Variants in TGFBR3 observed in about 807,000 individuals in gnomAD.
TGFBR3 encodes transforming growth factor beta receptor 3.
Under a neutral mutation model 87.9 loss-of-function variants are expected in TGFBR3, and 46 were observed. The observed-to-expected ratio is 0.52, with a 90% CI of 0.41 to 0.67. The LOEUF is 0.67. Among genes scored for constraint, TGFBR3 ranks in the 30% least tolerant of loss-of-function variants. The pLI is 0.00. For missense variants in TGFBR3, 866 were observed against 1,041.9 expected (o/e 0.83, Z 2.32); for synonymous variants, 381 against 391.6 (o/e 0.97, Z 0.32).
chr1:91,749,311 G>A lies in TGFBR3; in HGVS notation c.384+9302C>T, dbSNP rs142061134. On this transcript the variant is annotated intron_variant, in intron 4 of 16. Transcript: ENST00000212355. Reference sequence around the variant, plus strand: ...CAGACGGAAGACCCCCTGACTTCCAGGTATACACTGTGTCATTCACCACCT... The same window carrying A: ...CAGACGGAAGACCCCCTGACTTCCAAGTATACACTGTGTCATTCACCACCT... 1.6e-3 allele frequency among the ~76,000 whole-genome samples: 241 copies of A among 152,230 alleles called. 1 individual carries two copies. Among genetic ancestry groups the A allele is most frequent in the African/African-American group, 5.3e-3 (219 of 41,554 alleles).
intron 2 of TGFBR3, among the ~76,000 whole-genome samples, chr1:91,842,258 C>G (rs187311610): frequency 4.6e-5 from 7 of 152,076 alleles, no homozygotes. Context: ...AGAAGTGCTA[C>G]GAGGAAAAAC....
At chr1:91,768,586 G>C (rs1344576962) in intron 3 of TGFBR3, among the ~76,000 whole-genome samples, 1 of 152,162 alleles carries the variant, frequency 6.6e-6, no homozygotes, top group African/African-American at 2.4e-5. Context: ...CATCCCCCTA[G>C]TGCTGTTCTC....
At position 91,885,441 on chromosome 1, in the gene TGFBR3, G is replaced by A. The variant is rs574751002; in HGVS notation, c.-114+437C>T. Among the ~76,000 whole-genome samples the A allele has an allele frequency of 3.0e-3, 454 of 152,176 alleles. 4 individuals carry two copies. Among genetic ancestry groups the A allele is most frequent in the Middle Eastern group, 3.4e-3 (1 of 294 alleles). On this transcript the variant is annotated intron_variant, in intron 1 of 16. Transcript: ENST00000212355. ...GCGGCCAGCGGGGAACGCAAACCGC[G>A]TCCGTGCACGAGTCCGGGAGCCACA...
chr1:91,770,093 T>G (rs1281942031), intron 3 of TGFBR3, among the ~76,000 whole-genome samples: 1 of 152,190 alleles, frequency 6.6e-6, no homozygotes, highest in Non-Finnish European at 1.5e-5. Context: ...TGCAAAGGTC[T>G]GGAGAGAAAC....
Position 91,688,086 on chromosome 1 carries a change from C to T in TGFBR3, c.2438-4229G>A, listed in dbSNP as rs1231717065. On this transcript the variant is annotated intron_variant, in intron 16 of 16. Coordinates refer to ENST00000212355, the MANE Select transcript of TGFBR3 (RefSeq NM_003243.5). The stretch of plus-strand genomic sequence containing the variant: ...ATTTCATTCCTCCCCAGCCTCCACA[C>T]AAAAGACTCTTCTTTTGCAGCAAAA... 1.3e-4 allele frequency among the ~76,000 whole-genome samples: 20 copies of T among 152,098 alleles called. 1 individual carries two copies. The highest frequency in any genetic ancestry group is 1.3e-3 in the Admixed American group (20 of 15,278).
At chr1:91,802,425 C>T (rs914651481) in intron 2 of TGFBR3, among the ~76,000 whole-genome samples, 11 of 151,580 alleles carry the variant, frequency 7.3e-5, no homozygotes, top group African/African-American at 1.5e-4. Context: ...CAGTGACGCG[C>T]TCTCAGCTCA....
At position 91,856,169 on chromosome 1, in the gene TGFBR3, T is replaced by G. The variant is rs554262800; in HGVS notation, c.61+5302A>C. On this transcript the variant is annotated intron_variant, in intron 2 of 16. Coordinates refer to ENST00000212355, the MANE Select transcript of TGFBR3 (RefSeq NM_003243.5). ...GCTCCGCCTCCCGGGTTCACACCATTCTTCTGCCTCAGCCTCCCCAGTAGC... is the reference window on the plus strand; with the variant it reads ...GCTCCGCCTCCCGGGTTCACACCATGCTTCTGCCTCAGCCTCCCCAGTAGC... Among the ~76,000 whole-genome samples the G allele has an allele frequency of 2.0e-4, 31 of 152,254 alleles. No individual in the cohort carries two copies. The East Asian group carries it at 5.8e-3, about 29-fold the overall frequency.
intron 1 of TGFBR3, among the ~76,000 whole-genome samples, chr1:91,900,485 TAAC>T (rs1570349744): frequency 6.6e-6 from 1 of 152,220 alleles, no homozygotes; most frequent in Admixed American, 6.5e-5. Flanking sequence ...CTCACCGTTT[TAAC>T]AACAGTAACA....
chr1:91,810,744 C>T (rs1459655411), intron 2 of TGFBR3, among the ~76,000 whole-genome samples: 1 of 152,170 alleles, frequency 6.6e-6, no homozygotes, highest in Non-Finnish European at 1.5e-5. Context: ...CCATTCCCTG[C>T]CTCTGTTTCT....
At chr1:91,874,508 GTGGTTTTT>G (rs924327979) in intron 1 of TGFBR3, among the ~76,000 whole-genome samples, 79 of 152,258 alleles carry the variant, frequency 5.2e-4, no homozygotes, top group African/African-American at 1.7e-3. Context: ...AAACAGTAGA[GTGGTTTTT>G]TGGTTTTTTG....
chr1:91,791,238 C>T (rs924476483), intron 3 of TGFBR3, among the ~76,000 whole-genome samples: 29 of 152,046 alleles, frequency 1.9e-4, no homozygotes, highest in Admixed American at 1.8e-3. Flanking sequence ...GACAGGTGAG[C>T]TATTTGTGTG....
intron 3 of TGFBR3, among the ~76,000 whole-genome samples, chr1:91,776,734 C>G (rs532426388): frequency 6.6e-6 from 1 of 152,162 alleles, no homozygotes; most frequent in African/African-American, 2.4e-5. Flanking sequence ...ACATGACCCT[C>G]CAAACACTTG....
chr1:91,898,581 C>G (rs1679606315), intron 2 of TGFBR3, among the ~76,000 whole-genome samples: 2 of 152,028 alleles, frequency 1.3e-5, no homozygotes, highest in Non-Finnish European at 2.9e-5. Flanking sequence ...GGACCACAGG[C>G]GCCCGCCACC....
chr1:91,833,304 A>AAAC (rs1557734914), intron 2 of TGFBR3, among the ~76,000 whole-genome samples: 7 of 132,802 alleles, frequency 5.3e-5, no homozygotes, highest in East Asian at 2.6e-4. Flanking sequence ...TCAAAAAAAA[A>AAAC]AAAAAAAAAA....
chr1:91,795,866 T>C (rs1006731743), intron 3 of TGFBR3, among the ~76,000 whole-genome samples: 3 of 152,178 alleles, frequency 2.0e-5, no homozygotes, highest in Non-Finnish European at 4.4e-5. Flanking sequence ...ATTTCCAATG[T>C]TGCTGGAAAG....
intron 2 of TGFBR3, among the ~76,000 whole-genome samples, chr1:91,805,244 T>C (rs1454662141): frequency 6.6e-6 from 1 of 152,242 alleles, no homozygotes; most frequent in Non-Finnish European, 1.5e-5. Context: ...TCTGGGCATC[T>C]GGTATGTGAC....
In TGFBR3 at chr1:91,712,463, C is replaced by T. The variant is rs775607589; in HGVS notation, c.1946G>A (p.Arg649Lys). ...CFISPYSNPD[R>K]MSHYTIIENI... ...CTCAATAATGGTGTAATGAGACATC[C>T]TATCAGGGTTCGAATATGGAGAGAT... is the stretch of plus-strand genomic sequence containing the variant. Residue 649 changes from arginine to lysine, a missense_variant, in exon 13 of 17, where the codon AGG becomes AAG. Transcript: ENST00000212355. The T allele has an allele frequency of 1.9e-6, 3 of 1,614,118 alleles. No individual in the cohort carries two copies. Among genetic ancestry groups the T allele is most frequent in the South Asian group, 1.1e-5 (1 of 91,076 alleles).
At chr1:91,708,005 C>T (rs1221761334) in intron 14 of TGFBR3, among the ~76,000 whole-genome samples, 1 of 152,224 alleles carries the variant, frequency 6.6e-6, no homozygotes, top group African/African-American at 2.4e-5. Context: ...TCTGGCTCTG[C>T]CCTGCCTGTC....
chr1:91,886,122 T>A lies in TGFBR3; in HGVS notation c.-358A>T, dbSNP rs1046945844. ...CCTTCACTCGCTGGGAAGAGGAAAG[T>A]GCCGCTCGGCGTCCCCGAAACCCTC... On this transcript the variant is annotated 5_prime_UTR_variant, in exon 1 of 17. Coordinates refer to ENST00000212355, the MANE Select transcript of TGFBR3 (RefSeq NM_003243.5). The A allele has an allele frequency of 2.2e-5, 10 of 453,856 alleles. No individual in the cohort carries two copies. Among genetic ancestry groups the A allele is most frequent in the Admixed American group, 1.2e-4 (5 of 42,544 alleles). 28.1% of individuals were successfully genotyped at this position (453,856 alleles called of 1,614,324 possible). A position where few individuals can be genotyped will look rare whatever the true frequency, so the allele number is the denominator to read the frequency against.
Sources: gnomAD v4.1 joint callset for allele counts (sites outside exome capture counted in the v4.1 genomes callset) on GRCh38, gnomAD v4.1.1 for gene constraint, MANE v1.5 for transcripts, NCBI Gene and HGNC (gene_info 2026-07-23, HGNC 2026-07-21) for gene names.